The following CDR2 variants were observed in gnomAD, a reference collection of about 807,000 sequenced individuals.
The protein encoded by CDR2 is cerebellar degeneration-related protein 2.
CDR2 carries 34 observed loss-of-function variants against 48.4 expected under a neutral mutation model. The ratio of observed to expected loss-of-function variants is 0.70; its 90% CI spans 0.53 to 0.94. The LOEUF (loss-of-function observed/expected upper bound fraction) is 0.94, where lower values mean the gene tolerates loss of function less well. Ranked by LOEUF, CDR2 falls within the 40% of genes least tolerant of loss-of-function variation. CDR2 has a pLI of 0.00. For synonymous variants in CDR2, 240 were observed against 219.7 expected, an observed-to-expected ratio of 1.09 and a Z score of -0.82; for missense variants, 498 against 549.5, an observed-to-expected ratio of 0.91 and a Z score of 0.94.
At chr16:22,358,427 G>C (rs544679615) in intron 2 of CDR2, among the ~76,000 whole-genome samples, 3 of 152,098 alleles carry the variant, frequency 2.0e-5, no homozygotes. Flanking sequence ...ATGAGTACAA[G>C]GTTCCAGTTA....
At chr16:22,359,636 A>G (rs2048998615) in intron 2 of CDR2, among the ~76,000 whole-genome samples, 1 of 152,196 alleles carries the variant, frequency 6.6e-6, no homozygotes, top group Non-Finnish European at 1.5e-5. Context: ...ATAACGGAGC[A>G]AAGAGAATCT....
At position 22,346,969 on chromosome 16, in the gene CDR2, G is replaced by C; in HGVS notation, c.1361C>G (p.Ser454Cys). The part of the protein sequence containing the change: ...RTKYRSLSSH[S>C] Reference sequence around the variant, plus strand: ...GTAGTAGAGCTAGAGGTTCAATTAAGAATGAGAGGAGAGTGATCGGTATTT... The same window carrying C: ...GTAGTAGAGCTAGAGGTTCAATTAACAATGAGAGGAGAGTGATCGGTATTT... Residue 454 changes from serine (S) to cysteine (C), a missense_variant, in exon 5 of 5, where the codon TCT becomes TGT. By Grantham distance (112) the Ser-to-Cys change is moderately radical (BLOSUM62 -1). Transcript: ENST00000268383. 2 of 1,606,898 alleles carry C rather than the reference G, an allele frequency of 1.2e-6. No homozygotes were observed. Among genetic ancestry groups the C allele is most frequent in the Non-Finnish European group, 1.7e-6 (2 of 1,174,026 alleles).
At chr16:22,366,141 T>A (rs747746159) in intron 1 of CDR2, among the ~76,000 whole-genome samples, 29 of 152,214 alleles carry the variant, frequency 1.9e-4, no homozygotes, top group Non-Finnish European at 3.5e-4. Context: ...GAACAGTGAA[T>A]AAAATGAAGT....
chr16:22,355,514 A>C (rs940071544), intron 2 of CDR2, among the ~76,000 whole-genome samples: 1 of 152,198 alleles, frequency 6.6e-6, no homozygotes, highest in African/African-American at 2.4e-5. Context: ...CATTTCTTTC[A>C]AGTACTAATA....
chr16:22,353,013 A>G (rs1242450664), intron 2 of CDR2, among the ~76,000 whole-genome samples: 2 of 152,238 alleles, frequency 1.3e-5, no homozygotes, highest in South Asian at 2.1e-4. Flanking sequence ...GAGATTCCAC[A>G]GGAGCGGAAA....
chr16:22,347,496 A>G lies in CDR2; in HGVS notation c.834T>C (p.Ser278=), dbSNP rs1410788119. 6.2e-7 allele frequency: 1 copy of G among 1,613,980 alleles called. No homozygotes were observed. Among genetic ancestry groups the G allele is most frequent in the Non-Finnish European group, 8.5e-7 (1 of 1,180,042 alleles). The change falls in exon 5 of 5, where the codon TCT becomes TCC. Residue 278 remains serine, a synonymous_variant. Transcript: ENST00000268383. ...VNGVEKLVPD[S]LYVPFKEPSQ... ...TGGGCTCTTTGAAAGGAACATACAG[A>G]GAGTCTGGCACCAGCTTCTCAACTC...
intron 1 of CDR2, chr16:22,365,265 T>G (rs1316144200): frequency 3.5e-5 from 12 of 346,608 alleles, no homozygotes; most frequent in Non-Finnish European, 1.1e-5. Context: ...TGCAGTTATT[T>G]GTTCAGGAAT....
At chr16:22,358,170 G>A (rs2048988399) in intron 2 of CDR2, among the ~76,000 whole-genome samples, 1 of 152,084 alleles carries the variant, frequency 6.6e-6, no homozygotes, top group South Asian at 2.1e-4. Context: ...AAGGAAATGG[G>A]TTAGCTTATT....
At position 22,374,468 on chromosome 16, in the gene CDR2, C is replaced by T. The variant is rs975634441; in HGVS notation, c.-159G>A. ...TGCGCCGCCTCAGCCCCGTTCCCGC[C>T]GGCGGCCGCCGACCGGCCGGCTGCC... On this transcript the variant is annotated 5_prime_UTR_variant, in exon 1 of 5. Transcript: ENST00000268383. 2 of 275,110 alleles carry T rather than the reference C, an allele frequency of 7.3e-6. No homozygotes were observed. The highest frequency in any genetic ancestry group is 1.3e-5 in the Non-Finnish European group (2 of 150,382). 17.0% of individuals were successfully genotyped at this position (275,110 alleles called of 1,614,324 possible). A position where few individuals can be genotyped will look rare whatever the true frequency, so the allele number is the denominator to read the frequency against.
At chr16:22,347,899 T>C in intron 4 of CDR2, 76 bp from the exon 5 acceptor site, 1 of 1,369,220 alleles carries the variant, frequency 7.3e-7, no homozygotes, top group Admixed American at 2.3e-5. Context: ...GTGATTTTTT[T>C]TCAACTAAAT....
rs1216168835 is a variant in CDR2 at position 22,374,241 on chromosome 16, G to A, written c.69C>T (p.Asp23=). The A allele has an allele frequency of 6.2e-7, 1 of 1,600,090 alleles. No individual in the cohort carries two copies. Among genetic ancestry groups the A allele is most frequent in the Non-Finnish European group, 8.5e-7 (1 of 1,173,482 alleles). ...CGCCCCCGCCCTCACCTTGCTGGAG[G>A]TCCTGGTGGTCGTACCACGGCTCGT... The part of the protein sequence containing the change: ...KEDEPWYDHQ[D]LQQDLQLAAE... Residue 23 remains aspartate, a synonymous_variant, in exon 1 of 5, where the codon GAC becomes GAT. Coordinates refer to ENST00000268383, the MANE Select transcript of CDR2 (RefSeq NM_001802.2).
chr16:22,350,630 T>C (rs1221511709), intron 2 of CDR2, among the ~76,000 whole-genome samples: 1 of 152,160 alleles, frequency 6.6e-6, no homozygotes, highest in Non-Finnish European at 1.5e-5. Context: ...AAGAAGAAAT[T>C]AAACTCCCTG....
Position 22,349,206 on chromosome 16 carries a change from C to T in CDR2, c.506+73G>A, listed in dbSNP as rs752218657. The T allele has an allele frequency of 3.6e-5, 54 of 1,502,432 alleles. 1 individual carries two copies. The highest frequency in any genetic ancestry group is 4.5e-5 in the Non-Finnish European group (49 of 1,092,072). The allele number at this position is 1,502,432 out of a possible 1,614,324, so 93.1% of individuals were successfully genotyped here. On this transcript the variant is annotated intron_variant, in intron 4 of 4. Coordinates refer to ENST00000268383, the MANE Select transcript of CDR2 (RefSeq NM_001802.2). ...CTTTTCTTAAAATGGTACTTTCAAT[C>T]TACTGGAAATCAGAATGTGCCAATG...
At chr16:22,365,234 T>C (rs2141852064) in intron 1 of CDR2, 1 of 451,642 alleles carries the variant, frequency 2.2e-6, no homozygotes, top group Non-Finnish European at 4.0e-6. Flanking sequence ...AAGTGAAAAA[T>C]GGTCATCTAC....
intron 1 of CDR2, among the ~76,000 whole-genome samples, chr16:22,369,300 A>G (rs1377447204): frequency 1.4e-5 from 2 of 145,950 alleles, no homozygotes; most frequent in African/African-American, 5.5e-5. Flanking sequence ...AAAAAAAAAA[A>G]AGAAAAAAAA....
intron 2 of CDR2, among the ~76,000 whole-genome samples, chr16:22,358,157 T>C (rs2048988222): frequency 6.6e-6 from 1 of 152,158 alleles, no homozygotes; most frequent in African/African-American, 2.4e-5. Context: ...TTTCTGAATC[T>C]AGAAGGAAAT....
chr16:22,369,348 G>C (rs921393040), intron 1 of CDR2, among the ~76,000 whole-genome samples: 3 of 150,588 alleles, frequency 2.0e-5, no homozygotes, highest in Admixed American at 1.3e-4. Flanking sequence ...CCAGAATCCA[G>C]ACTGTCTTGA....
chr16:22,347,297 G>C lies in CDR2; in HGVS notation c.1033C>G (p.Leu345Val), dbSNP rs754665924. 6 of 1,614,116 alleles carry C rather than the reference G, an allele frequency of 3.7e-6. No individual in the cohort carries two copies. The African/African-American group carries it at 8.0e-5, about 22-fold the overall frequency. ...TACTGCGTGTCCACTTCGTGCAGAA[G>C]GGAGATGCCCCTCTGTTTCACAGCC... ...AKAVKQRGIS[L>V]LHEVDTQYSA... The change falls in exon 5 of 5, where the codon CTT becomes GTT. Residue 345 changes from leucine to valine, a missense_variant. Leu to Val is a conservative substitution (Grantham distance 32). Transcript: ENST00000268383.
chr16:22,349,555 GA>G (rs2048928589), intron 3 of CDR2, 112 bp from the exon 4 acceptor site: 8 of 1,413,394 alleles, frequency 5.7e-6, no homozygotes, highest in Non-Finnish European at 6.8e-6. Flanking sequence ...AATTGGAAAG[GA>G]TGTCTATTTA....
Sources: gnomAD v4.1 joint callset for allele counts (sites outside exome capture counted in the v4.1 genomes callset) on GRCh38, gnomAD v4.1.1 for gene constraint, MANE v1.5 for transcripts, NCBI Gene and HGNC (gene_info 2026-07-23, HGNC 2026-07-21) for gene names.